Variants in GTF2E1 observed in about 807,000 individuals in gnomAD.
The protein encoded by GTF2E1 is general transcription factor IIE subunit 1.
A neutral mutation model predicts 34.9 loss-of-function variants in GTF2E1; 14 were observed. That is an observed-to-expected ratio of 0.40 (90% confidence interval 0.27 to 0.63). The LOEUF is 0.63. Among genes scored for constraint, GTF2E1 ranks in the 20% least tolerant of loss-of-function variants. GTF2E1 has a pLI of 0.39. For missense variants in GTF2E1, 469 were observed against 557.7 expected (o/e 0.84, Z 1.60); for synonymous variants, 188 against 192.9 (o/e 0.97, Z 0.21).
chr3:120,775,893 T>C (rs1463634935), intron 3 of GTF2E1, among the ~76,000 whole-genome samples: 1 of 152,138 alleles, frequency 6.6e-6, no homozygotes, highest in African/African-American at 2.4e-5. Context: ...GAGAAGAACG[T>C]TGGTTGAGGT....
intron 2 of GTF2E1, among the ~76,000 whole-genome samples, chr3:120,764,826 G>T (rs1432629543): frequency 6.6e-6 from 1 of 151,734 alleles, no homozygotes; most frequent in Non-Finnish European, 1.5e-5. Context: ...TTATTCTCTT[G>T]ACTGAATACC....
At chr3:120,764,310 G>A (rs1709289025) in intron 2 of GTF2E1, among the ~76,000 whole-genome samples, 2 of 152,128 alleles carry the variant, frequency 1.3e-5, no homozygotes, top group Non-Finnish European at 2.9e-5. Flanking sequence ...CTGGACTTGG[G>A]AAGGCTGAAT....
chr3:120,751,129 GCATA>G, intron 2 of GTF2E1, 129 bp downstream of exon 2: 1 of 631,404 alleles, frequency 1.6e-6, no homozygotes, highest in Non-Finnish European at 2.7e-6. Flanking sequence ...GTAAATCACA[GCATA>G]CAGTCAGTCT....
chr3:120,769,520 A>G (rs113995335), intron 2 of GTF2E1, among the ~76,000 whole-genome samples: 1,726 of 152,288 alleles, frequency 0.011, 33 homozygotes, highest in African/African-American at 0.04. Flanking sequence ...GGATAATTCT[A>G]TGATTGGGTA....
intron 2 of GTF2E1, among the ~76,000 whole-genome samples, chr3:120,768,561 T>TAC (rs1334162569): frequency 6.6e-6 from 1 of 152,200 alleles, no homozygotes; most frequent in Non-Finnish European, 1.5e-5. Context: ...ACTACAGAAC[T>TAC]AGATAACTTG....
In GTF2E1 at chr3:120,750,793, G is replaced by A; in HGVS notation, c.241G>A (p.Ala81Thr). 1.2e-6 allele frequency: 2 copies of A among 1,613,914 alleles called. No individual in the cohort carries two copies. The highest frequency in any genetic ancestry group is 1.7e-6 in the Non-Finnish European group (2 of 1,179,826). Residue 81 changes from alanine to threonine, a missense_variant, in exon 2 of 5, where the codon GCT becomes ACT. Coordinates refer to ENST00000283875, the MANE Select transcript of GTF2E1 (RefSeq NM_005513.3). ...FIKCRMRVET[A>T]ADGKTTRHNY... ...CAAATGCAGAATGAGGGTAGAGACTGCTGCAGACGGGAAAACCACTCGCCA... is the reference window on the plus strand; with the variant it reads ...CAAATGCAGAATGAGGGTAGAGACTACTGCAGACGGGAAAACCACTCGCCA...
intron 1 of GTF2E1, among the ~76,000 whole-genome samples, chr3:120,749,204 G>A (rs1277286315): frequency 7.9e-5 from 12 of 152,028 alleles, no homozygotes; most frequent in Non-Finnish European, 1.6e-4. Context: ...TGCAAACAGA[G>A]ACAATTTGAC....
chr3:120,758,997 G>A (rs1316645610), intron 2 of GTF2E1, among the ~76,000 whole-genome samples: 1 of 152,022 alleles, frequency 6.6e-6, no homozygotes, highest in East Asian at 1.9e-4. Context: ...AATCGCCACA[G>A]TCTTCCACAA....
At chr3:120,762,943 G>A (rs1247354023) in intron 2 of GTF2E1, among the ~76,000 whole-genome samples, 1 of 152,132 alleles carries the variant, frequency 6.6e-6, no homozygotes, top group Non-Finnish European at 1.5e-5. Flanking sequence ...GATTATGTTA[G>A]TCACTTTGGG....
intron 2 of GTF2E1, 137 bp from the exon 3 acceptor site, chr3:120,770,591 A>G (rs988016214): frequency 6.1e-6 from 4 of 652,608 alleles, no homozygotes; most frequent in African/African-American, 3.6e-5. Flanking sequence ...TGGTGGTCAC[A>G]TGGCTGTTCA....
intron 1 of GTF2E1, chr3:120,749,956 G>A (rs1232404996): frequency 6.6e-6 from 1 of 152,192 alleles, no homozygotes; most frequent in Admixed American, 6.5e-5. Context: ...TTCAAGGTTG[G>A]TAAAACTGTC....
intron 2 of GTF2E1, among the ~76,000 whole-genome samples, chr3:120,762,988 C>T (rs1709277210): frequency 6.6e-6 from 1 of 152,090 alleles, no homozygotes; most frequent in Non-Finnish European, 1.5e-5. Flanking sequence ...ATTGGGACCC[C>T]TCAGTTATAG....
At chr3:120,774,430 A>G (rs1709381507) in intron 3 of GTF2E1, among the ~76,000 whole-genome samples, 1 of 152,228 alleles carries the variant, frequency 6.6e-6, no homozygotes, top group South Asian at 2.1e-4. Context: ...CAAAGTAAGC[A>G]GCATCATATT....
chr3:120,763,431 T>C (rs574269142), intron 2 of GTF2E1, among the ~76,000 whole-genome samples: 1 of 152,276 alleles, frequency 6.6e-6, no homozygotes, highest in African/African-American at 2.4e-5. Context: ...AAATATTCAG[T>C]GGGAGGGGAA....
chr3:120,767,088 A>G (rs561299542), intron 2 of GTF2E1, among the ~76,000 whole-genome samples: 2 of 152,218 alleles, frequency 1.3e-5, no homozygotes, highest in South Asian at 2.1e-4. Context: ...ATTTATAACT[A>G]ATGTTTTTGT....
At chr3:120,745,200 T>C (rs1173529323) in intron 1 of GTF2E1, among the ~76,000 whole-genome samples, 1 of 152,232 alleles carries the variant, frequency 6.6e-6, no homozygotes, top group Non-Finnish European at 1.5e-5. Flanking sequence ...CTGTAGCCAC[T>C]GCACTTGGCT....
chr3:120,760,582 A>G (rs1434765821), intron 2 of GTF2E1, among the ~76,000 whole-genome samples: 2 of 152,126 alleles, frequency 1.3e-5, no homozygotes, highest in Non-Finnish European at 2.9e-5. Flanking sequence ...AGCTCTTATT[A>G]TTTTGAGATA....
chr3:120,753,377 C>T (rs1211277914), intron 2 of GTF2E1, among the ~76,000 whole-genome samples: 1 of 152,016 alleles, frequency 6.6e-6, no homozygotes, highest in Non-Finnish European at 1.5e-5. Flanking sequence ...TCTTTCTAAG[C>T]CCAGTCCTGT....
chr3:120,760,315 A>G (rs1261751196), intron 2 of GTF2E1, among the ~76,000 whole-genome samples: 1 of 152,184 alleles, frequency 6.6e-6, no homozygotes, highest in Admixed American at 6.5e-5. Flanking sequence ...TTATCAGGTG[A>G]AGGAGATTTT....
Sources: allele counts gnomAD v4.1 joint callset (sites outside exome capture counted in the v4.1 genomes callset), GRCh38; gene constraint gnomAD v4.1.1; transcripts MANE v1.5; gene names NCBI Gene and HGNC (gene_info 2026-07-23, HGNC 2026-07-21).